The following HLCS variants were observed in gnomAD, a reference collection of about 807,000 sequenced individuals.
HLCS encodes the protein holocarboxylase synthetase.
Under a neutral mutation model 75.0 loss-of-function variants are expected in HLCS, and 53 were observed. The ratio of observed to expected loss-of-function variants is 0.71; its 90% CI spans 0.57 to 0.89. The LOEUF is 0.89. Ranked by LOEUF, HLCS falls within the 40% of genes least tolerant of loss-of-function variation. HLCS has a pLI of 0.00. For missense variants in HLCS, 966 were observed against 1,074.0 expected (o/e 0.90, Z 1.41); for synonymous variants, 431 against 428.6 (o/e 1.01, Z -0.07).
chr21:36,988,281 C>G (rs1008875423), intron 1 of HLCS, among the ~76,000 whole-genome samples: 2 of 152,102 alleles, frequency 1.3e-5, no homozygotes, highest in African/African-American at 4.8e-5. Context: ...TAAGGAGATA[C>G]TTGAATGTTT....
chr21:36,908,472 G>A (rs1448033519), intron 5 of HLCS, among the ~76,000 whole-genome samples: 1 of 152,066 alleles, frequency 6.6e-6, no homozygotes, highest in Non-Finnish European at 1.5e-5. Flanking sequence ...CCCTACTGGT[G>A]GGAATGTAAA....
intron 5 of HLCS, among the ~76,000 whole-genome samples, chr21:36,906,943 G>A (rs140963020): frequency 3.3e-5 from 5 of 152,130 alleles, no homozygotes; most frequent in Admixed American, 2.0e-4. Flanking sequence ...AGCGTCTTGC[G>A]CTACCACCCA....
At position 36,936,977 on chromosome 21, in the gene HLCS, GT is replaced by G; in HGVS notation, c.908del (p.Asn303ThrfsTer102). The G allele has an allele frequency of 6.2e-7, 1 of 1,614,128 alleles. No homozygotes were observed. On this transcript the variant is annotated frameshift_variant, in exon 4 of 11. Coordinates refer to ENST00000674895, the MANE Select transcript of HLCS (RefSeq NM_001352514.2). LOFTEE classifies it high-confidence loss of function. The stretch of plus-strand genomic sequence containing the variant: ...GGATGTTGGGTGCCTTTCCCGTGAG[GT>G]TGACTCTCCTCCCTTCTCTTTCGGG... Reference protein sequence around the residue: ...TSPEREGRRVNLTGKAPNILL... With the variant: ...TSPEREGRRVXLTGKAPNILL...
At chr21:36,812,902 T>TA (rs953805698) in intron 6 of HLCS, among the ~76,000 whole-genome samples, 1 of 151,880 alleles carries the variant, frequency 6.6e-6, no homozygotes, top group African/African-American at 2.4e-5. Context: ...CTATTAAAAA[T>TA]AAAAAAATTA....
intron 2 of HLCS, among the ~76,000 whole-genome samples, chr21:36,951,824 G>A (rs1013173110): frequency 2.0e-5 from 3 of 152,226 alleles, no homozygotes; most frequent in African/African-American, 7.2e-5. Context: ...ATTGAAAACT[G>A]AGCTGAATCT....
At chr21:36,872,901 A>G (rs2063821126) in intron 6 of HLCS, among the ~76,000 whole-genome samples, 2 of 151,752 alleles carry the variant, frequency 1.3e-5, no homozygotes, top group Admixed American at 6.6e-5. Context: ...TTGCTCCACT[A>G]TTTTTTTTCA....
intron 6 of HLCS, among the ~76,000 whole-genome samples, chr21:36,794,740 GA>G (rs1274214873): frequency 1.3e-5 from 2 of 152,126 alleles, no homozygotes; most frequent in African/African-American, 4.8e-5. Flanking sequence ...GTGGAAGGAA[GA>G]AAGAGATGTG....
chr21:36,953,328 A>G (rs571704512), intron 2 of HLCS, among the ~76,000 whole-genome samples: 1 of 152,302 alleles, frequency 6.6e-6, no homozygotes, highest in East Asian at 1.9e-4. Context: ...TCTGAAGGCT[A>G]GATGAAGCTG....
chr21:36,786,560 C>G (rs1001952451), intron 6 of HLCS, among the ~76,000 whole-genome samples: 1 of 152,086 alleles, frequency 6.6e-6, no homozygotes, highest in African/African-American at 2.4e-5. Flanking sequence ...AGGATTTGGA[C>G]GAGCACAAAA....
chr21:36,792,072 A>G (rs1821187565), intron 6 of HLCS, among the ~76,000 whole-genome samples: 1 of 152,074 alleles, frequency 6.6e-6, no homozygotes, highest in South Asian at 2.1e-4. Flanking sequence ...TGAGTGCGCT[A>G]CCTGTCAGCG....
rs190918250 is a variant in HLCS, at chr21:36,830,316, C to A, written c.1893-63031G>T. ...TGTGGTACTTTGTCCCAGCAGCCCTCGCAAGATAACACACAGAGTAACATC... is the reference window on the plus strand; with the variant it reads ...TGTGGTACTTTGTCCCAGCAGCCCTAGCAAGATAACACACAGAGTAACATC... On this transcript the variant is annotated intron_variant, in intron 6 of 10. Coordinates refer to ENST00000674895, the MANE Select transcript of HLCS (RefSeq NM_001352514.2). 1.4e-3 allele frequency among the ~76,000 whole-genome samples: 219 copies of A among 152,284 alleles called. 2 individuals carry two copies. The highest frequency in any genetic ancestry group is 5.1e-3 in the African/African-American group (211 of 41,570).
At position 36,785,795 on chromosome 21, in the gene HLCS, A is replaced by G. The variant is rs867049402; in HGVS notation, c.1893-18510T>C. Among the ~76,000 whole-genome samples, 6 of 152,268 alleles carry G rather than the reference A, an allele frequency of 3.9e-5. No homozygotes were observed. In the South Asian group the frequency reaches 1.2e-3, roughly 32 times the overall value. On this transcript the variant is annotated intron_variant, in intron 6 of 10. Transcript: ENST00000674895. The stretch of plus-strand genomic sequence containing the variant: ...GTGGAAATGCTCTTAGGTTTCCCCA[A>G]GAAGCAGGATGCTAGCTTTAGGACT...
chr21:36,936,758 C>T lies in HLCS; in HGVS notation c.1128G>A (p.Leu376=), dbSNP rs1199413324. ...AAAGATAGGCCATGAACTTCTGGTA[C>T]AGGTCTTCGGGAATGGACTCCCTGG... ...IATRESIPED[L]YQKFMAYLSQ... The change falls in exon 4 of 11, where the codon CTG becomes CTA. Residue 376 remains leucine (L), a synonymous_variant. Transcript: ENST00000674895. 1 of 1,614,228 alleles carries T rather than the reference C, an allele frequency of 6.2e-7. No homozygotes were observed.
chr21:36,956,116 A>G (rs986097335), intron 2 of HLCS, among the ~76,000 whole-genome samples: 2 of 152,208 alleles, frequency 1.3e-5, no homozygotes, highest in East Asian at 1.9e-4. Flanking sequence ...CACATTAACT[A>G]TAATGTATAC....
At chr21:36,867,914 C>G (rs1378690677) in intron 6 of HLCS, among the ~76,000 whole-genome samples, 1 of 152,110 alleles carries the variant, frequency 6.6e-6, no homozygotes, top group Non-Finnish European at 1.5e-5. Flanking sequence ...GGGAGGATCT[C>G]TTACGGTTGG....
chr21:36,950,545 T>C (rs893496845), intron 2 of HLCS, among the ~76,000 whole-genome samples: 3 of 151,924 alleles, frequency 2.0e-5, no homozygotes, highest in African/African-American at 4.8e-5. Context: ...TCAGGACTCA[T>C]TGCAGCCTCG....
At chr21:36,855,846 G>A (rs1045027822) in intron 6 of HLCS, among the ~76,000 whole-genome samples, 2 of 152,116 alleles carry the variant, frequency 1.3e-5, no homozygotes, top group Admixed American at 1.3e-4. Flanking sequence ...CCAAAGTGCT[G>A]GGATTACAGG....
intron 6 of HLCS, among the ~76,000 whole-genome samples, chr21:36,895,275 T>C (rs2064967069): frequency 6.6e-6 from 1 of 152,242 alleles, no homozygotes; most frequent in Non-Finnish European, 1.5e-5. Flanking sequence ...AATGTAACTA[T>C]CGCGAGTTAC....
chr21:36,922,482 CTG>C (rs1160211669), intron 5 of HLCS, among the ~76,000 whole-genome samples: 1 of 152,178 alleles, frequency 6.6e-6, no homozygotes, highest in African/African-American at 2.4e-5. Context: ...ACTCGGCATG[CTG>C]TACCTGGGGA....
Sources: gnomAD v4.1 joint callset for allele counts (sites outside exome capture counted in the v4.1 genomes callset) on GRCh38, gnomAD v4.1.1 for gene constraint, MANE v1.5 for transcripts, NCBI Gene and HGNC (gene_info 2026-07-23, HGNC 2026-07-21) for gene names.